Variants in ZNF33A observed in about 807,000 individuals in gnomAD.
ZNF33A encodes zinc finger protein 33A.
Under a neutral mutation model 15.9 loss-of-function variants are expected in ZNF33A, and 9 were observed. The observed-to-expected ratio is 0.57, with a 90% CI of 0.34 to 0.99. The LOEUF (loss-of-function observed/expected upper bound fraction) is 0.99, where lower values mean the gene tolerates loss of function less well. ZNF33A is among the 50% of genes least tolerant of loss of function. The pLI, the probability that ZNF33A is intolerant of heterozygous loss-of-function variation, is 0.02. For synonymous variants in ZNF33A, 294 were observed against 324.2 expected (o/e 0.91, Z 1.00); for missense variants, 843 against 941.6 (o/e 0.90, Z 1.37).
Position 38,013,589 on chromosome 10 carries a change from G to C in ZNF33A, c.9+1239G>C, listed in dbSNP as rs140902445. 6.5e-3 allele frequency among the ~76,000 whole-genome samples: 985 copies of C among 151,748 alleles called. 12 individuals carry two copies. Among genetic ancestry groups the C allele is most frequent in the South Asian group, 0.054 (260 of 4,792 alleles). ...TTCTCCTGCCTCAACCTCCCGAGTA[G>C]CTGGGATTATAGGCACGCACCACCA... On this transcript the variant is annotated intron_variant, in intron 2 of 4. Coordinates refer to ENST00000432900, the MANE Select transcript of ZNF33A (RefSeq NM_006954.2).
At chr10:38,029,639 T>C (rs1006954333) in intron 4 of ZNF33A, among the ~76,000 whole-genome samples, 12 of 152,192 alleles carry the variant, frequency 7.9e-5, no homozygotes, top group Non-Finnish European at 1.3e-4. Context: ...CTCAACAACA[T>C]GGACCTGTTG....
intron 2 of ZNF33A, chr10:38,016,042 A>G: frequency 8.1e-7 from 1 of 1,229,738 alleles, no homozygotes; most frequent in African/African-American, 1.6e-5. Flanking sequence ...TGTACTCCAC[A>G]GAGGTTTCAA....
downstream of ZNF33A, among the ~76,000 whole-genome samples, chr10:38,065,442 A>G (rs1175933000): frequency 3.9e-5 from 6 of 152,224 alleles, no homozygotes; most frequent in Admixed American, 2.0e-4. Context: ...ATTCTATCCT[A>G]AAAGACAAGC....
chr10:38,040,277 C>T (rs944993717), intron 4 of ZNF33A, among the ~76,000 whole-genome samples: 4 of 151,972 alleles, frequency 2.6e-5, no homozygotes, highest in African/African-American at 7.2e-5. Context: ...CTCCACTGTT[C>T]GAGTGGAATG....
In ZNF33A at chr10:38,046,800, T is replaced by TA. The variant is rs35449020; in HGVS notation, c.251-7565dup. Among the ~76,000 whole-genome samples, 1,372 of 150,302 alleles carry TA rather than the reference T, an allele frequency of 9.1e-3. 22 individuals carry two copies. The highest frequency in any genetic ancestry group is 0.032 in the African/African-American group (1,303 of 41,028). ...AACTTAAGTAGAGACACGGAAGATT[T>TA]AAAAAAAAAATCAAAATTCAGTATA... is the stretch of plus-strand genomic sequence containing the variant. On this transcript the variant is annotated intron_variant, in intron 4 of 4. Transcript: ENST00000432900.
At chr10:38,011,595 G>C (rs1471313889) in intron 1 of ZNF33A, among the ~76,000 whole-genome samples, 1 of 151,924 alleles carries the variant, frequency 6.6e-6, no homozygotes, top group Admixed American at 6.5e-5. Context: ...CAAAAACAAA[G>C]AATTACCTAA....
chr10:38,061,082 C>T (rs2066649580), downstream of ZNF33A, among the ~76,000 whole-genome samples: 1 of 152,148 alleles, frequency 6.6e-6, no homozygotes, highest in South Asian at 2.1e-4. Flanking sequence ...AAAGGTCTGG[C>T]TGGAGCTCTC....
downstream of ZNF33A, chr10:38,064,814 C>G (rs1169400760): frequency 1.3e-5 from 2 of 152,122 alleles, no homozygotes; most frequent in Non-Finnish European, 2.9e-5. Flanking sequence ...TAGTCAAAAG[C>G]ATTTCATAAC....
downstream of ZNF33A, among the ~76,000 whole-genome samples, chr10:38,060,338 G>A (rs917851651): frequency 6.6e-6 from 1 of 152,072 alleles, no homozygotes; most frequent in Admixed American, 6.5e-5. Context: ...AGGGGGGCCA[G>A]GCACAATTCC....
chr10:38,039,558 A>G (rs1436128786), intron 4 of ZNF33A: 2 of 455,770 alleles, frequency 4.4e-6, no homozygotes, highest in East Asian at 6.9e-5. Flanking sequence ...TACAACTTCA[A>G]TCTTTTTACT....
rs1439033264 is a variant in ZNF33A, at chr10:38,057,187, T to G, written c.*627T>G. On this transcript the variant is annotated 3_prime_UTR_variant, in exon 5 of 5. Coordinates refer to ENST00000432900, the MANE Select transcript of ZNF33A (RefSeq NM_006954.2). ...TACGACTTTTACATTTGAGTAACCA[T>G]CAACACGATTAGTTTACAGAACTGA... The G allele has an allele frequency of 5.1e-6, 5 of 981,574 alleles. No individual in the cohort carries two copies. Among genetic ancestry groups the G allele is most frequent in the Non-Finnish European group, 6.0e-6 (5 of 826,452 alleles). The allele number at this position is 981,574 out of a possible 1,614,324, so 60.8% of individuals were successfully genotyped here.
downstream of ZNF33A, among the ~76,000 whole-genome samples, chr10:38,065,749 T>C (rs2066704985): frequency 6.6e-6 from 1 of 151,634 alleles, no homozygotes; most frequent in Non-Finnish European, 1.5e-5. Flanking sequence ...TTTGCTCTTA[T>C]GCCCAGGCTG....
chr10:38,026,668 T>A (rs919570871), intron 4 of ZNF33A, among the ~76,000 whole-genome samples: 2 of 152,228 alleles, frequency 1.3e-5, no homozygotes, highest in African/African-American at 4.8e-5. Context: ...GCATTTTATG[T>A]CATAGGTAAG....
At chr10:38,014,191 G>GC (rs1281318944) in intron 2 of ZNF33A, among the ~76,000 whole-genome samples, 3 of 151,610 alleles carry the variant, frequency 2.0e-5, no homozygotes, top group African/African-American at 7.3e-5. Flanking sequence ...ACAGGCACGC[G>GC]CCATCACACC....
At chr10:38,062,120 C>T (rs1457354531), downstream of ZNF33A, among the ~76,000 whole-genome samples, 1 of 152,120 alleles carries the variant, frequency 6.6e-6, no homozygotes, top group Non-Finnish European at 1.5e-5. Context: ...ACCCTTTCTG[C>T]CCCTCCCCTT....
In ZNF33A at chr10:38,057,124, G is replaced by A. The variant is rs954313268; in HGVS notation, c.*564G>A. The A allele has an allele frequency of 2.7e-5, 19 of 713,254 alleles. No homozygotes were observed. In the African/African-American group the frequency reaches 3.5e-4, roughly 13 times the overall value. 44.2% of individuals were successfully genotyped at this position (713,254 alleles called of 1,614,324 possible). On this transcript the variant is annotated 3_prime_UTR_variant, in exon 5 of 5. Transcript: ENST00000432900. ...GTTTGCATGCACTCTGTGTGTGTGTGTACGTGTATGTGTGTGTGTGTGGTT... is the reference window on the plus strand; with the variant it reads ...GTTTGCATGCACTCTGTGTGTGTGTATACGTGTATGTGTGTGTGTGTGGTT...
chr10:38,046,237 A>G (rs1227580434), intron 4 of ZNF33A, among the ~76,000 whole-genome samples: 1 of 152,198 alleles, frequency 6.6e-6, no homozygotes, highest in African/African-American at 2.4e-5. Flanking sequence ...AGGGGCCTCC[A>G]TGAATGTTCA....
chr10:38,062,770 G>A (rs527669437), downstream of ZNF33A, among the ~76,000 whole-genome samples: 3 of 151,904 alleles, frequency 2.0e-5, no homozygotes, highest in East Asian at 1.9e-4. Flanking sequence ...CTGGGAGGCC[G>A]AGGTGGGCGG....
upstream of ZNF33A, chr10:38,010,498 G>A (rs1171812251): frequency 1.6e-6 from 1 of 620,764 alleles, no homozygotes; most frequent in Non-Finnish European, 2.9e-6. Flanking sequence ...CAGGGCTGCA[G>A]GCAGTTCCAG....
Sources: gnomAD v4.1 joint callset for allele counts (sites outside exome capture counted in the v4.1 genomes callset) on GRCh38, gnomAD v4.1.1 for gene constraint, MANE v1.5 for transcripts, NCBI Gene and HGNC (gene_info 2026-07-23, HGNC 2026-07-21) for gene names.